ROBO2: variants seen among roughly 807,000 people sequenced by gnomAD.
The protein encoded by ROBO2 is roundabout guidance receptor 2, also known as roundabout homolog 2.
Under a neutral mutation model 160.8 loss-of-function variants are expected in ROBO2, and 53 were observed. The ratio of observed to expected loss-of-function variants is 0.33; its 90% CI spans 0.26 to 0.41. The LOEUF is 0.41. Among genes scored for constraint, ROBO2 ranks in the 10% least tolerant of loss-of-function variants. ROBO2 has a pLI of 1.00. For synonymous variants in ROBO2, 664 were observed against 611.7 expected, an observed-to-expected ratio of 1.09 and a Z score of -1.26; for missense variants, 1,577 against 1,722.4, an observed-to-expected ratio of 0.92 and a Z score of 1.49.
chr3:77,301,664 G>GA (rs1168363286), intron 2 of ROBO2, among the ~76,000 whole-genome samples: 3 of 152,170 alleles, frequency 2.0e-5, no homozygotes, highest in Middle Eastern at 3.2e-3. Context: ...ACACTCCACT[G>GA]AAAAATCCCT....
intron 2 of ROBO2, among the ~76,000 whole-genome samples, chr3:76,892,425 A>G (rs766838254): frequency 2.0e-5 from 3 of 151,938 alleles, no homozygotes; most frequent in Non-Finnish European, 4.4e-5. Flanking sequence ...CAAGCATTCC[A>G]CTCTTAGACA....
chr3:76,544,757 T>C (rs971822875), intron 2 of ROBO2, among the ~76,000 whole-genome samples: 4 of 151,956 alleles, frequency 2.6e-5, no homozygotes, highest in African/African-American at 9.7e-5. Flanking sequence ...GTTTCCTCAG[T>C]AGTAACCTCA....
chr3:77,544,420 T>C (rs2092614151), intron 6 of ROBO2, among the ~76,000 whole-genome samples: 1 of 152,126 alleles, frequency 6.6e-6, no homozygotes, highest in South Asian at 2.1e-4. Context: ...TGTTAATCTA[T>C]AGTTATAGAA....
intron 2 of ROBO2, among the ~76,000 whole-genome samples, chr3:76,990,472 C>A (rs2060602946): frequency 6.6e-6 from 1 of 152,030 alleles, no homozygotes; most frequent in Non-Finnish European, 1.5e-5. Flanking sequence ...TTAAAAAAAC[C>A]TTGATATTCA....
At chr3:76,057,564 T>G (rs2067892324) in intron 2 of ROBO2, among the ~76,000 whole-genome samples, 2 of 152,188 alleles carry the variant, frequency 1.3e-5, no homozygotes, top group South Asian at 4.1e-4. Flanking sequence ...CATAGTAAGC[T>G]TCCAGGGTGA....
chr3:76,978,375 T>C (rs534273962), intron 2 of ROBO2, among the ~76,000 whole-genome samples: 2 of 152,298 alleles, frequency 1.3e-5, no homozygotes, highest in Admixed American at 1.3e-4. Context: ...TATTTTCCTG[T>C]TGAAATACAT....
chr3:77,223,983 T>C (rs900542106), intron 2 of ROBO2, among the ~76,000 whole-genome samples: 1 of 152,034 alleles, frequency 6.6e-6, no homozygotes, highest in Non-Finnish European at 1.5e-5. Context: ...GGGAGACAAA[T>C]GGATACTTTT....
chr3:76,985,707 A>T (rs189934278), intron 2 of ROBO2, among the ~76,000 whole-genome samples: 41 of 152,216 alleles, frequency 2.7e-4, no homozygotes, highest in Non-Finnish European at 4.3e-4. Context: ...GTTCTTCAAA[A>T]TTATTCCATT....
chr3:77,296,050 TA>T (rs1160432529), intron 2 of ROBO2, among the ~76,000 whole-genome samples: 2 of 151,314 alleles, frequency 1.3e-5, no homozygotes, highest in African/African-American at 4.9e-5. Flanking sequence ...AATTGATGGT[TA>T]AACGGGTAAG....
chr3:76,077,653 ATTAT>A (rs1484213139), intron 2 of ROBO2, among the ~76,000 whole-genome samples: 2 of 152,146 alleles, frequency 1.3e-5, no homozygotes, highest in African/African-American at 4.8e-5. Context: ...TTTTCCTACT[ATTAT>A]TTAAAAAAAG....
intron 1 of ROBO2, among the ~76,000 whole-genome samples, chr3:75,926,668 T>C (rs1947305480): frequency 6.6e-6 from 1 of 152,180 alleles, no homozygotes; most frequent in Non-Finnish European, 1.5e-5. Context: ...GGTATCAGAG[T>C]TTATGGCATT....
chr3:76,390,279 G>A (rs1313407662), intron 2 of ROBO2, among the ~76,000 whole-genome samples: 1 of 151,858 alleles, frequency 6.6e-6, no homozygotes, highest in Non-Finnish European at 1.5e-5. Context: ...ACAATACTGA[G>A]TCCCTTTATT....
At chr3:76,113,081 A>T (rs1050688282) in intron 2 of ROBO2, among the ~76,000 whole-genome samples, 2 of 152,108 alleles carry the variant, frequency 1.3e-5, no homozygotes, top group African/African-American at 4.8e-5. Flanking sequence ...TATGTCTTCC[A>T]GGTTGCTATA....
chr3:77,380,899 C>A (rs2073364732), intron 2 of ROBO2, among the ~76,000 whole-genome samples: 1 of 151,970 alleles, frequency 6.6e-6, no homozygotes, highest in Non-Finnish European at 1.5e-5. Context: ...CCCCCAAACT[C>A]AAAGAGAGTA....
chr3:77,115,650 T>G (rs2074123536), intron 2 of ROBO2, among the ~76,000 whole-genome samples: 1 of 152,232 alleles, frequency 6.6e-6, no homozygotes, highest in Non-Finnish European at 1.5e-5. Context: ...TTATAGTCCC[T>G]TTAAAAATGT....
chr3:76,844,085 A>G (rs1278045011), intron 2 of ROBO2, among the ~76,000 whole-genome samples: 1 of 152,004 alleles, frequency 6.6e-6, no homozygotes, highest in Admixed American at 6.6e-5. Context: ...TTTGTTGCTA[A>G]GGGACGTTGG....
At chr3:76,912,799 A>G (rs987148437) in intron 2 of ROBO2, among the ~76,000 whole-genome samples, 1 of 151,960 alleles carries the variant, frequency 6.6e-6, no homozygotes, top group African/African-American at 2.4e-5. Flanking sequence ...ACTTTTAAAC[A>G]AAAAGTATTA....
intron 2 of ROBO2, among the ~76,000 whole-genome samples, chr3:76,532,967 A>G (rs2082307507): frequency 6.6e-6 from 1 of 152,124 alleles, no homozygotes; most frequent in Non-Finnish European, 1.5e-5. Context: ...TAGTAGAAAG[A>G]AAATAATCCA....
chr3:76,035,488 G>A (rs1194179349), intron 2 of ROBO2, among the ~76,000 whole-genome samples: 3 of 151,808 alleles, frequency 2.0e-5, no homozygotes, highest in Non-Finnish European at 4.4e-5. Flanking sequence ...GTCTGAGGAT[G>A]CGCTAGGCTA....
Sources: allele counts gnomAD v4.1 joint callset (sites outside exome capture counted in the v4.1 genomes callset), GRCh38; gene constraint gnomAD v4.1.1; transcripts MANE v1.5; gene names NCBI Gene and HGNC (gene_info 2026-07-23, HGNC 2026-07-21).